TENM4: variants seen among roughly 807,000 people sequenced by gnomAD.
TENM4 encodes teneurin-4.
A neutral mutation model predicts 243.3 loss-of-function variants in TENM4; 82 were observed. The observed-to-expected ratio is 0.34, with a 90% CI of 0.28 to 0.40. TENM4 has a LOEUF of 0.40. TENM4 is among the 10% of genes least tolerant of loss of function. The pLI is 1.00. For synonymous variants in TENM4, 1,412 were observed against 1,456.3 expected, an observed-to-expected ratio of 0.97 and a Z score of 0.69; for missense variants, 3,138 against 3,673.3, an observed-to-expected ratio of 0.85 and a Z score of 3.77.
intron 25 of TENM4, among the ~76,000 whole-genome samples, chr11:78,719,724 A>G (rs182173264): frequency 2.2e-4 from 33 of 152,344 alleles, no homozygotes; most frequent in Non-Finnish European, 4.0e-4. Flanking sequence ...CCATAGTGAC[A>G]GGTGATGCTG....
chr11:79,234,681 T>C (rs1268104777), intron 2 of TENM4, among the ~76,000 whole-genome samples: 1 of 152,172 alleles, frequency 6.6e-6, no homozygotes, highest in African/African-American at 2.4e-5. Flanking sequence ...TTTAAACACT[T>C]AATGGGTCTC....
intron 4 of TENM4, among the ~76,000 whole-genome samples, chr11:79,122,797 T>C: frequency 6.6e-6 from 1 of 152,290 alleles, no homozygotes; most frequent in East Asian, 1.9e-4. Flanking sequence ...CCACACCCTG[T>C]GAAAAGCATT....
intron 1 of TENM4, among the ~76,000 whole-genome samples, chr11:79,367,671 T>C (rs1230463638): frequency 6.6e-6 from 1 of 152,178 alleles, no homozygotes; most frequent in African/African-American, 2.4e-5. Flanking sequence ...ATCCAATGTG[T>C]CAACAACCTG....
chr11:78,956,844 T>A (rs1857217032), intron 6 of TENM4, among the ~76,000 whole-genome samples: 1 of 152,180 alleles, frequency 6.6e-6, no homozygotes, highest in Non-Finnish European at 1.5e-5. Flanking sequence ...GCAGAAATAG[T>A]GATGTGTTTG....
intron 4 of TENM4, among the ~76,000 whole-genome samples, chr11:79,136,381 C>A (rs1012317425): frequency 6.6e-6 from 1 of 152,088 alleles, no homozygotes; most frequent in Non-Finnish European, 1.5e-5. Context: ...TCTAGCCACC[C>A]CTGTCATCGC....
intron 1 of TENM4, among the ~76,000 whole-genome samples, chr11:79,341,064 C>T (rs773644301): frequency 2.0e-5 from 3 of 152,130 alleles, no homozygotes; most frequent in East Asian, 3.9e-4. Context: ...GGAGAGACCA[C>T]ACACCACAGA....
intron 12 of TENM4, among the ~76,000 whole-genome samples, chr11:78,817,426 A>G (rs528119955): frequency 7.2e-5 from 11 of 152,318 alleles, no homozygotes; most frequent in African/African-American, 2.4e-4. Flanking sequence ...AAGAAGGTCT[A>G]ATCCAACACG....
At chr11:79,103,932 T>C (rs1385151460) in intron 4 of TENM4, among the ~76,000 whole-genome samples, 1 of 152,210 alleles carries the variant, frequency 6.6e-6, no homozygotes, top group Non-Finnish European at 1.5e-5. Context: ...TAAAAATTTT[T>C]CTGGATCATA....
At chr11:78,959,698 G>A (rs1857277254) in intron 6 of TENM4, among the ~76,000 whole-genome samples, 1 of 152,130 alleles carries the variant, frequency 6.6e-6, no homozygotes, top group African/African-American at 2.4e-5. Context: ...AGGTCCCCTG[G>A]GGTGCAGGAG....
intron 1 of TENM4, among the ~76,000 whole-genome samples, chr11:79,333,425 C>T (rs1857094277): frequency 2.0e-5 from 3 of 152,192 alleles, no homozygotes; most frequent in Non-Finnish European, 2.9e-5. Context: ...CCACACCATT[C>T]CTCTTTCCCA....
chr11:79,266,458 T>G (rs1046586536), intron 2 of TENM4, among the ~76,000 whole-genome samples: 2 of 152,204 alleles, frequency 1.3e-5, no homozygotes, highest in Non-Finnish European at 2.9e-5. Context: ...TATGCTGATG[T>G]TGAAGAAGAG....
At chr11:78,874,311 T>G (rs1859209235) in intron 9 of TENM4, among the ~76,000 whole-genome samples, 1 of 152,206 alleles carries the variant, frequency 6.6e-6, no homozygotes, top group Non-Finnish European at 1.5e-5. Flanking sequence ...TAATGAGGAT[T>G]CTTTAGAATT....
intron 6 of TENM4, among the ~76,000 whole-genome samples, chr11:78,942,604 C>G (rs1216333180): frequency 6.6e-6 from 1 of 152,148 alleles, no homozygotes; most frequent in African/African-American, 2.4e-5. Flanking sequence ...CGACCTCCCA[C>G]TCCTCTGAGC....
intron 3 of TENM4, among the ~76,000 whole-genome samples, chr11:79,214,113 T>G (rs1052296500): frequency 2.0e-5 from 3 of 152,072 alleles, no homozygotes; most frequent in Non-Finnish European, 4.4e-5. Flanking sequence ...TGCCTCAGCC[T>G]CCCGAGTAGC....
intron 2 of TENM4, among the ~76,000 whole-genome samples, chr11:79,238,329 G>A (rs1256845998): frequency 6.6e-6 from 1 of 152,110 alleles, no homozygotes; most frequent in African/African-American, 2.4e-5. Context: ...TGTCTGTGAG[G>A]GTGTTTCTGG....
chr11:79,353,756 GAA>G (rs10643530), intron 1 of TENM4, among the ~76,000 whole-genome samples: 1 of 142,868 alleles, frequency 7.0e-6, no homozygotes, highest in Non-Finnish European at 1.5e-5. Flanking sequence ...GAAAAAGGAG[GAA>G]AAAAAAAAAA....
At chr11:78,695,704 C>T (rs185994283) in intron 28 of TENM4, among the ~76,000 whole-genome samples, 165 of 151,624 alleles carry the variant, frequency 1.1e-3, no homozygotes, top group Middle Eastern at 6.8e-3. Context: ...GCACTTCTGT[C>T]TTCTGGCTTG....
Position 78,654,155 on chromosome 11 carries a change from T to C in TENM4, c.*3903A>G, listed in dbSNP as rs1355795565. On this transcript the variant is annotated 3_prime_UTR_variant, in exon 34 of 34. Transcript: ENST00000278550. ...ACCCCAAGGGAAAGGAAAGACTGGGTTCTTTCTGGGATCCCTCAGGAGATG... is the reference window on the plus strand; with the variant it reads ...ACCCCAAGGGAAAGGAAAGACTGGGCTCTTTCTGGGATCCCTCAGGAGATG... 3 of 152,140 alleles carry C rather than the reference T, an allele frequency of 2.0e-5. No homozygotes were observed. The highest frequency in any genetic ancestry group is 4.2e-4 in the South Asian group (2 of 4,812). The allele number at this position is 152,140 out of a possible 1,614,324, so 9.4% of individuals were successfully genotyped here.
At chr11:79,207,556 A>G (rs1408710629) in intron 3 of TENM4, among the ~76,000 whole-genome samples, 1 of 151,936 alleles carries the variant, frequency 6.6e-6, no homozygotes, top group Non-Finnish European at 1.5e-5. Context: ...TCTGTGATAA[A>G]CTCTTGGGAA....
Sources: gnomAD v4.1 joint callset for allele counts (sites outside exome capture counted in the v4.1 genomes callset) on GRCh38, gnomAD v4.1.1 for gene constraint, MANE v1.5 for transcripts, NCBI Gene and HGNC (gene_info 2026-07-23, HGNC 2026-07-21) for gene names.